The following RFTN1 variants were observed in gnomAD, a reference collection of about 807,000 sequenced individuals.
RFTN1 encodes raftlin, lipid raft linker 1.
RFTN1 carries 26 observed loss-of-function variants against 46.5 expected under a neutral mutation model. The ratio of observed to expected loss-of-function variants is 0.56; its 90% CI spans 0.41 to 0.78. The LOEUF is 0.78. RFTN1 is among the 30% of genes least tolerant of loss of function. RFTN1 has a pLI of 0.00. For missense variants in RFTN1, 693 were observed against 718.7 expected (o/e 0.96, Z 0.41); for synonymous variants, 261 against 284.2 (o/e 0.92, Z 0.82).
chr3:16,437,826 T>C (rs992974089), intron 2 of RFTN1, among the ~76,000 whole-genome samples: 1 of 152,152 alleles, frequency 6.6e-6, no homozygotes, highest in Non-Finnish European at 1.5e-5. Flanking sequence ...TTTTGTCCTC[T>C]TGTCCCAGAG....
In RFTN1 at chr3:16,493,771, A is replaced by G; in HGVS notation, c.99T>C (p.Asp33=). 1 of 1,613,366 alleles carries G rather than the reference A, an allele frequency of 6.2e-7. No individual in the cohort carries two copies. ...LKRPQVETKI[D]VSYEYRFLEF... ...CCAGGAAGCGGTATTCATAGGACACATCTATCTTGGTTTCCACCTGAGGCC... is the reference window on the plus strand; with the variant it reads ...CCAGGAAGCGGTATTCATAGGACACGTCTATCTTGGTTTCCACCTGAGGCC... The change falls in exon 2 of 10, where the codon GAT becomes GAC. Residue 33 remains aspartate (D), a synonymous_variant. Transcript: ENST00000334133.
chr3:16,393,861 G>C (rs141897944), intron 4 of RFTN1, among the ~76,000 whole-genome samples: 2 of 151,872 alleles, frequency 1.3e-5, no homozygotes, highest in East Asian at 1.9e-4. Context: ...GGGTTTCACC[G>C]TGTTAGCCAG....
intron 6 of RFTN1, among the ~76,000 whole-genome samples, chr3:16,359,048 A>G (rs1712264): frequency 0.26 from 38,955 of 148,404 alleles, 5,521 homozygotes; most frequent in Non-Finnish European, 0.31. Context: ...AAAAAAAAAA[A>G]AAAAGAAATA....
rs1009660439 is a variant in RFTN1 at position 16,409,264 on chromosome 3, T to G, written c.441+111A>C. 1.1e-5 allele frequency: 8 copies of G among 710,342 alleles called. No individual in the cohort carries two copies. In the African/African-American group the frequency reaches 1.4e-4, roughly 13 times the overall value. The allele number at this position is 710,342 out of a possible 1,614,324, so 44.0% of individuals were successfully genotyped here. ...GGCTGCCAAAGGTTTAGGTCACAGCTCTTGCATGGCCTCTTGAGTGTGGCT... is the reference window on the plus strand; with the variant it reads ...GGCTGCCAAAGGTTTAGGTCACAGCGCTTGCATGGCCTCTTGAGTGTGGCT... On this transcript the variant is annotated intron_variant, in intron 4 of 9. Transcript: ENST00000334133.
intron 2 of RFTN1, among the ~76,000 whole-genome samples, chr3:16,482,006 C>T (rs1160231545): frequency 6.6e-6 from 1 of 152,120 alleles, no homozygotes; most frequent in Non-Finnish European, 1.5e-5. Flanking sequence ...TATTTTAAAG[C>T]TGGGAACAAC....
chr3:16,492,550 T>C (rs889813145), intron 2 of RFTN1, among the ~76,000 whole-genome samples: 17 of 152,200 alleles, frequency 1.1e-4, no homozygotes, highest in African/African-American at 4.1e-4. Flanking sequence ...TCCATGAGCA[T>C]GAGGGCTTTT....
Position 16,483,850 on chromosome 3 carries a change from T to A in RFTN1, c.145+9875A>T, listed in dbSNP as rs1050950925. 6.6e-6 allele frequency among the ~76,000 whole-genome samples: 1 copy of A among 152,208 alleles called. No individual in the cohort carries two copies. The highest frequency in any genetic ancestry group is 1.5e-5 in the Non-Finnish European group (1 of 68,026). On this transcript the variant is annotated intron_variant, in intron 2 of 9. Coordinates refer to ENST00000334133, the MANE Select transcript of RFTN1 (RefSeq NM_015150.2). The surrounding 1 kb of genome is among the most constrained non-coding windows in gnomAD (Gnocchi z 4.8). ...AGCATCAGCATTGCCTGGGAACTTATTACAAAAGCAGATTCTCAGGCCTTG... is the reference window on the plus strand; with the variant it reads ...AGCATCAGCATTGCCTGGGAACTTAATACAAAAGCAGATTCTCAGGCCTTG...
In RFTN1 at chr3:16,326,845, A is replaced by C; in HGVS notation, c.1178T>G (p.Leu393Arg). 1.2e-6 allele frequency: 2 copies of C among 1,614,102 alleles called. No individual in the cohort carries two copies. Among genetic ancestry groups the C allele is most frequent in the East Asian group, 2.2e-5 (1 of 44,884 alleles). Residue 393 changes from leucine (L) to arginine (R), a missense_variant, in exon 8 of 10, where the codon CTG (leucine) becomes CGG (arginine). By Grantham distance (102) the Leu-to-Arg change is moderately radical. Transcript: ENST00000334133. The stretch of plus-strand genomic sequence containing the variant: ...GCCATAGGCCGCCAGCGAGTTCAGC[A>C]GGGGCACGTAGTCTGTCTGCACTTC... ...GVEVQTDYVP[L>R]LNSLAAYGWQ...
intron 7 of RFTN1, among the ~76,000 whole-genome samples, chr3:16,347,128 G>A (rs1462554249): frequency 6.6e-6 from 1 of 152,148 alleles, no homozygotes; most frequent in East Asian, 1.9e-4. Context: ...TTGTCCCAGT[G>A]TACAGCTCTC....
At chr3:16,398,613 G>A (rs1340531866) in intron 4 of RFTN1, among the ~76,000 whole-genome samples, 1 of 152,140 alleles carries the variant, frequency 6.6e-6, no homozygotes, top group African/African-American at 2.4e-5. Context: ...AGCCAGGTCC[G>A]GGAGAAGCAG....
Position 16,433,990 on chromosome 3 carries a change from G to A in RFTN1, c.193C>T (p.Leu65=). The change falls in exon 3 of 10, where the codon CTG becomes TTG. Residue 65 remains leucine, a synonymous_variant. Coordinates refer to ENST00000334133, the MANE Select transcript of RFTN1 (RefSeq NM_015150.2). The surrounding 1 kb of genome is among the most constrained non-coding windows in gnomAD (Gnocchi z 4.4). ...SAVRLASLRD[L]PAQLLELYQQ... ...TACAGCTCCAGGAGCTGGGCGGGCA[G>A]GTCACGCAGGGAGGCCAGCCTCACT... is the stretch of plus-strand genomic sequence containing the variant. 1 of 1,612,984 alleles carries A rather than the reference G, an allele frequency of 6.2e-7. No homozygotes were observed.
intron 2 of RFTN1, among the ~76,000 whole-genome samples, chr3:16,436,038 A>G (rs2075506847): frequency 6.6e-6 from 1 of 151,026 alleles, no homozygotes; most frequent in African/African-American, 2.4e-5. Flanking sequence ...AGTGATGTAT[A>G]AAGTTATTTC....
At position 16,413,803 on chromosome 3, in the gene RFTN1, A is replaced by G. The variant is rs990427452; in HGVS notation, c.333-4320T>C. 6.6e-6 allele frequency among the ~76,000 whole-genome samples: 1 copy of G among 152,210 alleles called. No individual in the cohort carries two copies. The highest frequency in any genetic ancestry group is 1.5e-5 in the Non-Finnish European group (1 of 68,040). On this transcript the variant is annotated intron_variant, in intron 3 of 9. Coordinates refer to ENST00000334133, the MANE Select transcript of RFTN1 (RefSeq NM_015150.2). The surrounding 1 kb of genome is among the most constrained non-coding windows in gnomAD (Gnocchi z 4.7). ...TCCCCAACTTGGTATGATAATTCCA[A>G]TAGATTTATTAGTTAGAGGCTACCG...
intron 7 of RFTN1, among the ~76,000 whole-genome samples, chr3:16,343,663 TCTG>T (rs1246623194): frequency 6.6e-6 from 1 of 152,238 alleles, no homozygotes; most frequent in African/African-American, 2.4e-5. Context: ...GTCAAAGATA[TCTG>T]TTCTAAGCAG....
At position 16,320,232 on chromosome 3, in the gene RFTN1, G is replaced by A. The variant is rs1406780999; in HGVS notation, c.1333-3000C>T. On this transcript the variant is annotated intron_variant, in intron 9 of 9. Transcript: ENST00000334133. This position sits in a 1 kb window ranked among gnomAD's most constrained non-coding sequence, Gnocchi z 4.5. ...GAAATCACCTACTCCCTTTGAAGAA[G>A]TTTAATATTTGCCTTGAAAATCACA... is the stretch of plus-strand genomic sequence containing the variant. Among the ~76,000 whole-genome samples the A allele has an allele frequency of 6.6e-6, 1 of 152,196 alleles. No individual in the cohort carries two copies. The highest frequency in any genetic ancestry group is 1.5e-5 in the Non-Finnish European group (1 of 68,040).
At position 16,400,541 on chromosome 3, in the gene RFTN1, C is replaced by G. The variant is rs734276; in HGVS notation, c.441+8834G>C. On this transcript the variant is annotated intron_variant, in intron 4 of 9. Coordinates refer to ENST00000334133, the MANE Select transcript of RFTN1 (RefSeq NM_015150.2). This position sits in a 1 kb window ranked among gnomAD's most constrained non-coding sequence, Gnocchi z 4.5. Reference sequence around the variant, plus strand: ...CCTAGACCGGCTTACTAAAGTATTCCCAAACACTACCAGCAAAGATCTGTT... The same window carrying G: ...CCTAGACCGGCTTACTAAAGTATTCGCAAACACTACCAGCAAAGATCTGTT... Among the ~76,000 whole-genome samples the G allele has an allele frequency of 0.3, 45,523 of 152,224 alleles. 7,898 individuals carry two copies. The highest frequency in any genetic ancestry group is 0.38 in the Non-Finnish European group (25,960 of 68,000).
intron 3 of RFTN1, among the ~76,000 whole-genome samples, chr3:16,415,803 T>A (rs2125458722): frequency 6.6e-6 from 1 of 152,272 alleles, no homozygotes; most frequent in Admixed American, 6.5e-5. Flanking sequence ...TTAACAAATT[T>A]ATAATCTTCT....
chr3:16,395,880 C>T (rs842488), intron 4 of RFTN1, among the ~76,000 whole-genome samples: 97,406 of 152,160 alleles, frequency 0.64, 32,766 homozygotes, highest in African/African-American at 0.86. Context: ...AGTGTGAAAA[C>T]CTGATGTCAC....
chr3:16,475,686 A>G lies in RFTN1; in HGVS notation c.145+18039T>C, dbSNP rs2076269389. ...TGGAAAACTAAAGCAACTAACAGACACACAGAGAGAATCACTGAGGATTGA... is the reference window on the plus strand; with the variant it reads ...TGGAAAACTAAAGCAACTAACAGACGCACAGAGAGAATCACTGAGGATTGA... On this transcript the variant is annotated intron_variant, in intron 2 of 9. Transcript: ENST00000334133. The surrounding 1 kb of genome is among the most constrained non-coding windows in gnomAD (Gnocchi z 4.2). 6.6e-6 allele frequency among the ~76,000 whole-genome samples: 1 copy of G among 152,196 alleles called. No individual in the cohort carries two copies. The highest frequency in any genetic ancestry group is 2.4e-5 in the African/African-American group (1 of 41,442).
Sources: allele counts gnomAD v4.1 joint callset (sites outside exome capture counted in the v4.1 genomes callset), GRCh38; gene constraint gnomAD v4.1.1; non-coding constraint Gnocchi (gnomAD v3.1); transcripts MANE v1.5; gene names NCBI Gene and HGNC (gene_info 2026-07-23, HGNC 2026-07-21).